The following KIF13B variants were observed in gnomAD, a reference collection of about 807,000 sequenced individuals.
KIF13B encodes the protein kinesin-like protein KIF13B.
In KIF13B, 127 loss-of-function variants were observed where a neutral mutation model predicts 222.0. The ratio of observed to expected loss-of-function variants is 0.57; its 90% CI spans 0.50 to 0.66. The LOEUF (loss-of-function observed/expected upper bound fraction) is 0.66, where lower values mean the gene tolerates loss of function less well. Ranked by LOEUF, KIF13B falls within the 30% of genes least tolerant of loss-of-function variation. The pLI, the probability that KIF13B is intolerant of heterozygous loss-of-function variation, is 0.00. For synonymous variants in KIF13B, 976 were observed against 919.0 expected (o/e 1.06, Z -1.12); for missense variants, 2,173 against 2,379.0 (o/e 0.91, Z 1.80).
At chr8:29,195,610 G>C (rs1017007043) in intron 3 of KIF13B, among the ~76,000 whole-genome samples, 2 of 152,236 alleles carry the variant, frequency 1.3e-5, no homozygotes, top group Non-Finnish European at 2.9e-5. Context: ...TTCATGGTCA[G>C]TTAAGAAACA....
At position 29,155,804 on chromosome 8, in the gene KIF13B, A is replaced by G. The variant is rs1334272215; in HGVS notation, c.1457T>C (p.Met486Thr). 1 of 1,594,156 alleles carries G rather than the reference A, an allele frequency of 6.3e-7. No homozygotes were observed. The highest frequency in any genetic ancestry group is 8.6e-7 in the Non-Finnish European group (1 of 1,169,072). The change falls in exon 14 of 40, where the codon ATG becomes ACG. Residue 486 changes from methionine (M) to threonine (T), a missense_variant. Around this residue, in one of 2 missense-constraint regions of KIF13B, gnomAD observed 1,480 missense variants for 1,722.8 expected, o/e 0.86. Coordinates refer to ENST00000524189, the MANE Select transcript of KIF13B (RefSeq NM_015254.4). ...AATACAGTGTTCAGGAAGAATTCCC[A>G]TGCCGCACAGTTGGATATCTTGGGA... ...ANSQDIQLCG[M>T]GILPEHCIID...
rs559081679 is a variant in KIF13B at position 29,250,148 on chromosome 8, A to T, written c.56-4709T>A. 3.3e-5 allele frequency: 27 copies of T among 815,930 alleles called. No individual in the cohort carries two copies. In the African/African-American group the frequency reaches 3.5e-4, roughly 11 times the overall value. 50.5% of individuals were successfully genotyped at this position (815,930 alleles called of 1,614,324 possible). A position where few individuals can be genotyped will look rare whatever the true frequency, so the allele number is the denominator to read the frequency against. ...TCTACTGTGACTCACCACCCACCACAAAGTTGGTCATTAGTTTCTTGCAAG... is the reference window on the plus strand; with the variant it reads ...TCTACTGTGACTCACCACCCACCACTAAGTTGGTCATTAGTTTCTTGCAAG... On this transcript the variant is annotated intron_variant, in intron 1 of 39. Coordinates refer to ENST00000524189, the MANE Select transcript of KIF13B (RefSeq NM_015254.4).
intron 32 of KIF13B, among the ~76,000 whole-genome samples, chr8:29,111,071 G>A (rs932875524): frequency 6.6e-6 from 1 of 152,202 alleles, no homozygotes; most frequent in Non-Finnish European, 1.5e-5. Context: ...AATGTGGGAG[G>A]ATTTGTAAGA....
intron 23 of KIF13B, among the ~76,000 whole-genome samples, chr8:29,131,078 C>T (rs978470903): frequency 6.6e-5 from 10 of 152,072 alleles, no homozygotes; most frequent in African/African-American, 2.4e-4. Flanking sequence ...AATAGAAAAG[C>T]AAAAACCCCA....
Position 29,122,460 on chromosome 8 carries a change from T to G in KIF13B, c.3535+131A>C, listed in dbSNP as rs116308905. ...TCAGTCCGTCTGCAACCAGGAGACATGGACACACGTCAAACTGGCTCTAGC... is the reference window on the plus strand; with the variant it reads ...TCAGTCCGTCTGCAACCAGGAGACAGGGACACACGTCAAACTGGCTCTAGC... On this transcript the variant is annotated intron_variant, in intron 29 of 39. Transcript: ENST00000524189. 1.3e-4 allele frequency: 93 copies of G among 700,858 alleles called. No homozygotes were observed. The African/African-American group carries it at 1.5e-3, about 12-fold the overall frequency. 43.4% of individuals were successfully genotyped at this position (700,858 alleles called of 1,614,324 possible). A position where few individuals can be genotyped will look rare whatever the true frequency, so the allele number is the denominator to read the frequency against.
intron 1 of KIF13B, among the ~76,000 whole-genome samples, chr8:29,256,385 G>A (rs948760948): frequency 2.0e-5 from 3 of 152,132 alleles, no homozygotes; most frequent in Non-Finnish European, 2.9e-5. Context: ...ACGTCACCCC[G>A]GTGGAACTTG....
intron 10 of KIF13B, among the ~76,000 whole-genome samples, chr8:29,171,899 A>G (rs1265717571): frequency 6.7e-6 from 1 of 150,158 alleles, no homozygotes; most frequent in Non-Finnish European, 1.5e-5. Context: ...CTGGGATTAC[A>G]GGTGCACACC....
chr8:29,192,070 C>T (rs1040212133), intron 3 of KIF13B, among the ~76,000 whole-genome samples: 1 of 152,164 alleles, frequency 6.6e-6, no homozygotes, highest in African/African-American at 2.4e-5. Flanking sequence ...CTGATGGCCA[C>T]CTTTCCATGA....
Position 29,114,889 on chromosome 8 carries a change from G to A in KIF13B, c.3838-1334C>T, listed in dbSNP as rs529780552. ...CAACCAGGATGTCTAATTCCGAAATGGAAAATCGCTCTTCAAAATGCTCCT... is the reference window on the plus strand; with the variant it reads ...CAACCAGGATGTCTAATTCCGAAATAGAAAATCGCTCTTCAAAATGCTCCT... On this transcript the variant is annotated intron_variant, in intron 31 of 39. Coordinates refer to ENST00000524189, the MANE Select transcript of KIF13B (RefSeq NM_015254.4). Among the ~76,000 whole-genome samples, 5 of 152,250 alleles carry A rather than the reference G, an allele frequency of 3.3e-5. No individual in the cohort carries two copies. In the East Asian group the frequency reaches 9.6e-4, roughly 29 times the overall value.
In KIF13B at chr8:29,071,215, T is replaced by C. The variant is rs1807256211; in HGVS notation, c.5218+405A>G. 6.6e-6 allele frequency among the ~76,000 whole-genome samples: 1 copy of C among 152,048 alleles called. No individual in the cohort carries two copies. Among genetic ancestry groups the C allele is most frequent in the Non-Finnish European group, 1.5e-5 (1 of 68,004 alleles). ...AATGGAAACTGGCAAAACTGCCAAA[T>C]GAGGGCGAGTCAGAGGCCAGCGAGA... On this transcript the variant is annotated intron_variant, in intron 39 of 39. Coordinates refer to ENST00000524189, the MANE Select transcript of KIF13B (RefSeq NM_015254.4). The surrounding 1 kb of genome is among the most constrained non-coding windows in gnomAD (Gnocchi z 4.9).
intron 37 of KIF13B, among the ~76,000 whole-genome samples, chr8:29,081,607 A>G (rs989881864): frequency 8.5e-5 from 13 of 152,214 alleles, no homozygotes; most frequent in African/African-American, 2.4e-4. Context: ...GGAATATCTC[A>G]ACCTTTTTTT....
Position 29,099,183 on chromosome 8 carries a change from G to A in KIF13B, c.4274C>T (p.Pro1425Leu). 1 of 1,613,676 alleles carries A rather than the reference G, an allele frequency of 6.2e-7. No homozygotes were observed. The highest frequency in any genetic ancestry group is 8.5e-7 in the Non-Finnish European group (1 of 1,179,730). Residue 1425 changes from proline (P) to leucine (L), a missense_variant, in exon 36 of 40, where the codon CCT becomes CTT. Pro to Leu is a moderately conservative substitution (Grantham distance 98). Coordinates refer to ENST00000524189, the MANE Select transcript of KIF13B (RefSeq NM_015254.4). ...GGGAGAAACAGAGAGGGCGGGGGCA[G>A]GAGCTATTCCTCTGGAAACTGTGGT... Reference protein sequence around the residue: ...SQTTVSRGIAPAPALSVSPQN... With the variant: ...SQTTVSRGIALAPALSVSPQN...
intron 21 of KIF13B, among the ~76,000 whole-genome samples, chr8:29,137,606 C>T (rs1025629708): frequency 2.0e-5 from 3 of 152,210 alleles, no homozygotes; most frequent in Admixed American, 6.5e-5. Context: ...TTAACTGTCT[C>T]CAGGCTGGTT....
At chr8:29,256,073 C>CA (rs1816467137) in intron 1 of KIF13B, among the ~76,000 whole-genome samples, 1 of 152,224 alleles carries the variant, frequency 6.6e-6, no homozygotes, top group Admixed American at 6.5e-5. Flanking sequence ...GGCTGCACTT[C>CA]AGACACCTAA....
At chr8:29,180,031 C>T (rs1246527772) in intron 8 of KIF13B, 73 bp downstream of exon 8, 4 of 1,550,366 alleles carry the variant, frequency 2.6e-6, no homozygotes, top group South Asian at 2.3e-5. Context: ...TCATCTAACA[C>T]CTGAAGAGGA....
rs112637903 is a variant in KIF13B, at chr8:29,115,936, C to A, written c.3837+895G>T. 7.1e-3 allele frequency among the ~76,000 whole-genome samples: 1,078 copies of A among 152,314 alleles called. 11 individuals carry two copies. Among genetic ancestry groups the A allele is most frequent in the African/African-American group, 0.024 (998 of 41,564 alleles). ...CCCCCACCACCCCGACTCCCTGGGGCTGAATTCTTCCTTCTCTTACCTGCA... is the reference window on the plus strand; with the variant it reads ...CCCCCACCACCCCGACTCCCTGGGGATGAATTCTTCCTTCTCTTACCTGCA... On this transcript the variant is annotated intron_variant, in intron 31 of 39. Coordinates refer to ENST00000524189, the MANE Select transcript of KIF13B (RefSeq NM_015254.4).
chr8:29,196,943 AC>A (rs1813448617), intron 2 of KIF13B, among the ~76,000 whole-genome samples: 1 of 152,036 alleles, frequency 6.6e-6, no homozygotes, highest in African/African-American at 2.4e-5. Context: ...TTACTGAATT[AC>A]TCACTACTTA....
intron 21 of KIF13B, 66 bp downstream of exon 21, chr8:29,139,997 A>C: frequency 7.0e-7 from 1 of 1,435,280 alleles, no homozygotes; most frequent in South Asian, 1.3e-5. Flanking sequence ...TTTGCCATTA[A>C]AAGTAATGGC....
chr8:29,107,459 C>T (rs981341538), intron 35 of KIF13B, among the ~76,000 whole-genome samples: 2 of 151,748 alleles, frequency 1.3e-5, no homozygotes, highest in South Asian at 2.1e-4. Flanking sequence ...ACCTGGGAGG[C>T]GGAGGTTGTA....
Sources: allele counts gnomAD v4.1 joint callset (sites outside exome capture counted in the v4.1 genomes callset), GRCh38; gene constraint gnomAD v4.1.1; regional missense constraint gnomAD v4.1.1; non-coding constraint Gnocchi (gnomAD v3.1); transcripts MANE v1.5; gene names NCBI Gene and HGNC (gene_info 2026-07-23, HGNC 2026-07-21).